Variants in PRKN observed in about 807,000 individuals in gnomAD.
The protein encoded by PRKN is parkin RBR E3 ubiquitin protein ligase.
PRKN carries 56 observed loss-of-function variants against 59.5 expected under a neutral mutation model. The ratio of observed to expected loss-of-function variants is 0.94; its 90% CI spans 0.76 to 1.18. The LOEUF (loss-of-function observed/expected upper bound fraction) is 1.18. Ranked by LOEUF, PRKN falls within the 50% of genes most tolerant of loss-of-function variation. PRKN has a pLI of 0.00. For missense variants in PRKN, 657 were observed against 596.4 expected, an observed-to-expected ratio of 1.10 and a Z score of -1.06; for synonymous variants, 250 against 222.1, an observed-to-expected ratio of 1.13 and a Z score of -1.12.
intron 4 of PRKN, among the ~76,000 whole-genome samples, chr6:162,086,916 G>C (rs1562504598): frequency 6.6e-6 from 1 of 152,134 alleles, no homozygotes; most frequent in East Asian, 1.9e-4. Flanking sequence ...AATTGCTGAA[G>C]AATTAATTAT....
At position 162,051,895 on chromosome 6, in the gene PRKN, T is replaced by A. The variant is rs555589207; in HGVS notation, c.618+2196A>T. Among the ~76,000 whole-genome samples, 5 of 152,274 alleles carry A rather than the reference T, an allele frequency of 3.3e-5. No homozygotes were observed. The East Asian group carries it at 7.7e-4, about 24-fold the overall frequency. On this transcript the variant is annotated intron_variant, in intron 5 of 11. Coordinates refer to ENST00000366898, the MANE Select transcript of PRKN (RefSeq NM_004562.3). ...TTCTGGGCAAGGCTTCCTTGTCCCA[T>A]GGATTTTAAAGTCTCTATGTGACAG...
rs543826797 is a variant in PRKN, at chr6:162,437,995, C to A, written c.171+5315G>T. Among the ~76,000 whole-genome samples, 27 of 152,272 alleles carry A rather than the reference C, an allele frequency of 1.8e-4. 1 individual carries two copies. The South Asian group carries it at 4.4e-3, about 25-fold the overall frequency. ...AATACATATGTCATTTTTTATGAAACTGCTATATTCTTTTCCAGAGTGGTT... is the reference window on the plus strand; with the variant it reads ...AATACATATGTCATTTTTTATGAAAATGCTATATTCTTTTCCAGAGTGGTT... On this transcript the variant is annotated intron_variant, in intron 2 of 11. Transcript: ENST00000366898.
chr6:162,067,633 G>A (rs1206037502), intron 4 of PRKN, among the ~76,000 whole-genome samples: 3 of 152,104 alleles, frequency 2.0e-5, no homozygotes, highest in Non-Finnish European at 2.9e-5. Flanking sequence ...GATTACACGC[G>A]ACATGCACAT....
intron 6 of PRKN, among the ~76,000 whole-genome samples, chr6:161,871,344 A>C (rs901592507): frequency 2.0e-5 from 3 of 152,118 alleles, no homozygotes; most frequent in Non-Finnish European, 4.4e-5. Context: ...AAGGAACATG[A>C]AGAAAGAGCC....
At chr6:162,083,973 CTAA>C (rs1255570367) in intron 4 of PRKN, among the ~76,000 whole-genome samples, 4 of 151,904 alleles carry the variant, frequency 2.6e-5, no homozygotes, top group African/African-American at 9.7e-5. Context: ...TCCAGGGACA[CTAA>C]TAATTTGATT....
intron 1 of PRKN, among the ~76,000 whole-genome samples, chr6:162,666,424 A>G (rs1156744058): frequency 6.6e-6 from 1 of 152,158 alleles, no homozygotes; most frequent in African/African-American, 2.4e-5. Flanking sequence ...GTATATACAA[A>G]TGCTCTGCAA....
intron 1 of PRKN, among the ~76,000 whole-genome samples, chr6:162,471,073 T>G (rs1791713029): frequency 2.1e-5 from 1 of 47,686 alleles, no homozygotes; most frequent in Non-Finnish European, 5.3e-5. Flanking sequence ...CACTCTATTT[T>G]TTATTTATTT....
At chr6:161,745,044 G>A (rs1279985181) in intron 7 of PRKN, among the ~76,000 whole-genome samples, 1 of 152,290 alleles carries the variant, frequency 6.6e-6, no homozygotes, top group African/African-American at 2.4e-5. Flanking sequence ...GTAAGCAATG[G>A]AGCAGGATTG....
At chr6:162,105,895 G>T (rs1780173535) in intron 4 of PRKN, among the ~76,000 whole-genome samples, 1 of 152,192 alleles carries the variant, frequency 6.6e-6, no homozygotes, top group Non-Finnish European at 1.5e-5. Context: ...CATTATTAAT[G>T]ATTAGTACAG....
intron 1 of PRKN, among the ~76,000 whole-genome samples, chr6:162,549,692 G>A (rs2128203088): frequency 6.9e-6 from 1 of 145,474 alleles, no homozygotes; most frequent in South Asian, 2.2e-4. Flanking sequence ...AGGCTGAAGT[G>A]CAGTGGTGCA....
At chr6:162,262,826 G>C (rs950788301) in intron 2 of PRKN, 61 bp from the exon 3 acceptor site, 2 of 1,583,130 alleles carry the variant, frequency 1.3e-6, no homozygotes, top group Non-Finnish European at 1.7e-6. Context: ...CATGAAATGC[G>C]AGATAGAGTT....
chr6:161,841,415 TCTCTG>T (rs1234321538), intron 6 of PRKN, among the ~76,000 whole-genome samples: 2 of 151,670 alleles, frequency 1.3e-5, no homozygotes, highest in Non-Finnish European at 2.9e-5. Flanking sequence ...ACTGGCGTAA[TCTCTG>T]CTCACAGTAA....
At chr6:161,668,023 A>T (rs1784782060) in intron 7 of PRKN, among the ~76,000 whole-genome samples, 1 of 152,222 alleles carries the variant, frequency 6.6e-6, no homozygotes, top group Non-Finnish European at 1.5e-5. Flanking sequence ...AATAAAAATT[A>T]CATTGGAATT....
At chr6:162,262,204 A>C (rs1779916685) in intron 3 of PRKN, among the ~76,000 whole-genome samples, 1 of 152,208 alleles carries the variant, frequency 6.6e-6, no homozygotes, top group South Asian at 2.1e-4. Context: ...TGCCATTGGC[A>C]TATCTGGCTT....
intron 1 of PRKN, among the ~76,000 whole-genome samples, chr6:162,507,983 G>T (rs1310079249): frequency 6.6e-6 from 1 of 152,166 alleles, no homozygotes; most frequent in Non-Finnish European, 1.5e-5. Flanking sequence ...GAAAGTATGA[G>T]ACTTGCTATA....
At chr6:161,862,534 A>G (rs189013387) in intron 6 of PRKN, among the ~76,000 whole-genome samples, 36 of 152,314 alleles carry the variant, frequency 2.4e-4, no homozygotes, top group Admixed American at 1.1e-3. Flanking sequence ...TGAATGGACT[A>G]AAGACCAAAG....
chr6:161,666,826 C>T (rs956047132), intron 7 of PRKN, among the ~76,000 whole-genome samples: 2 of 152,174 alleles, frequency 1.3e-5, no homozygotes, highest in Non-Finnish European at 2.9e-5. Flanking sequence ...CTCCAGCACA[C>T]TTTGGAATGG....
At chr6:161,724,141 T>C (rs1439067281) in intron 7 of PRKN, among the ~76,000 whole-genome samples, 2 of 152,194 alleles carry the variant, frequency 1.3e-5, no homozygotes, top group East Asian at 3.9e-4. Context: ...CTACTGTCCC[T>C]GAAAGGACGG....
intron 3 of PRKN, among the ~76,000 whole-genome samples, chr6:162,252,553 T>C (rs1448575281): frequency 6.6e-6 from 1 of 152,194 alleles, no homozygotes; most frequent in Non-Finnish European, 1.5e-5. Flanking sequence ...GGTGATTAGG[T>C]CATGAGTATG....
Sources: allele counts gnomAD v4.1 joint callset (sites outside exome capture counted in the v4.1 genomes callset), GRCh38; gene constraint gnomAD v4.1.1; transcripts MANE v1.5; gene names NCBI Gene and HGNC (gene_info 2026-07-23, HGNC 2026-07-21).